Variants in TRAPPC9 observed in about 807,000 individuals in gnomAD.
TRAPPC9 encodes the protein trafficking protein particle complex subunit 9.
TRAPPC9 carries 83 observed loss-of-function variants against 124.0 expected under a neutral mutation model. That is an observed-to-expected ratio of 0.67 (90% CI 0.56 to 0.80). The LOEUF (loss-of-function observed/expected upper bound fraction) is 0.80, where lower values mean the gene tolerates loss of function less well. TRAPPC9 is among the 30% of genes least tolerant of loss of function. The probability of loss-of-function intolerance (pLI) is 0.00; values close to 1 mark genes in which losing one functional copy is unlikely to be tolerated. For missense variants in TRAPPC9, 1,302 were observed against 1,508.3 expected (o/e 0.86, Z 2.27); for synonymous variants, 638 against 617.5 (o/e 1.03, Z -0.49).
At chr8:139,936,063 C>A (rs1265490739) in intron 19 of TRAPPC9, among the ~76,000 whole-genome samples, 1 of 152,234 alleles carries the variant, frequency 6.6e-6, no homozygotes, top group Non-Finnish European at 1.5e-5. Context: ...GTCACATGCT[C>A]ACGCTGACCT....
chr8:139,736,887 A>G (rs1031383716), intron 21 of TRAPPC9, among the ~76,000 whole-genome samples: 2 of 151,992 alleles, frequency 1.3e-5, no homozygotes, highest in Non-Finnish European at 2.9e-5. Context: ...GCAGGGCCCC[A>G]CTCTCCACAG....
chr8:140,313,890 C>A (rs576604048), intron 9 of TRAPPC9, among the ~76,000 whole-genome samples: 1 of 152,280 alleles, frequency 6.6e-6, no homozygotes, highest in South Asian at 2.1e-4. Flanking sequence ...GACCCCATCG[C>A]CATTTCAGTG....
intron 21 of TRAPPC9, among the ~76,000 whole-genome samples, chr8:139,766,890 C>T (rs574313140): frequency 2.6e-5 from 4 of 152,222 alleles, no homozygotes; most frequent in South Asian, 4.1e-4. Context: ...CTGTCTTGTG[C>T]GTCCCGCAGA....
At chr8:139,818,636 C>T (rs1425887926) in intron 21 of TRAPPC9, among the ~76,000 whole-genome samples, 1 of 151,966 alleles carries the variant, frequency 6.6e-6, no homozygotes. Flanking sequence ...ATATGTTTAA[C>T]AACTGGCTAT....
rs531722426 is a variant in TRAPPC9, at chr8:140,071,351, C to G, written c.2557-47272G>C. Among the ~76,000 whole-genome samples the G allele has an allele frequency of 7.9e-5, 12 of 152,270 alleles. No individual in the cohort carries two copies. The South Asian group carries it at 2.1e-3, about 26-fold the overall frequency. ...GCGGTCATGCTGCTCAGTCCCTGGC[C>G]CTAAAAGGCACCAGATCTACTTTGT... On this transcript the variant is annotated intron_variant, in intron 17 of 22. Coordinates refer to ENST00000438773, the MANE Select transcript of TRAPPC9 (RefSeq NM_001160372.4).
chr8:139,992,739 G>A (rs2131732226), intron 18 of TRAPPC9, among the ~76,000 whole-genome samples: 1 of 151,312 alleles, frequency 6.6e-6, no homozygotes, highest in South Asian at 2.1e-4. Context: ...TGAAAGAAAA[G>A]ATAGCTACAA....
chr8:140,352,650 C>A (rs1212112058), intron 9 of TRAPPC9, among the ~76,000 whole-genome samples: 3 of 152,162 alleles, frequency 2.0e-5, no homozygotes, highest in African/African-American at 7.2e-5. Flanking sequence ...CTGGGTGGCA[C>A]CATCCTTTCC....
chr8:139,818,377 A>T (rs981540542), intron 21 of TRAPPC9, among the ~76,000 whole-genome samples: 46 of 152,244 alleles, frequency 3.0e-4, no homozygotes, highest in African/African-American at 1.1e-3. Context: ...GGAGTTTGAG[A>T]CCAGCCTGGC....
intron 21 of TRAPPC9, among the ~76,000 whole-genome samples, chr8:139,746,555 C>T (rs986286606): frequency 2.0e-5 from 3 of 152,232 alleles, no homozygotes; most frequent in African/African-American, 7.2e-5. Context: ...CAGGGACATA[C>T]AGGGGACGAA....
chr8:139,821,897 G>GAAAATGAATC (rs1825279463), intron 21 of TRAPPC9, among the ~76,000 whole-genome samples: 2 of 152,228 alleles, frequency 1.3e-5, no homozygotes, highest in South Asian at 2.1e-4. Flanking sequence ...TCGACGGAGA[G>GAAAATGAATC]AAAATGAATC....
chr8:139,832,811 G>A (rs1308421107), intron 21 of TRAPPC9, among the ~76,000 whole-genome samples: 2 of 152,206 alleles, frequency 1.3e-5, no homozygotes, highest in Middle Eastern at 3.4e-3. Context: ...GGAGACCCTC[G>A]CCCTTGGATA....
chr8:140,249,060 C>G (rs571763865), intron 16 of TRAPPC9, among the ~76,000 whole-genome samples: 63 of 152,110 alleles, frequency 4.1e-4, no homozygotes, highest in African/African-American at 1.4e-3. Flanking sequence ...TTAGCGGGTA[C>G]GTGTTCAGGT....
chr8:139,959,122 G>GAGCCCTGCATTCCGAGTC (rs1835210882), intron 19 of TRAPPC9, among the ~76,000 whole-genome samples: 35 of 152,356 alleles, frequency 2.3e-4, no homozygotes, highest in South Asian at 8.3e-4. Context: ...TCACACAGGG[G>GAGCCCTGCATTCCGAGTC]ACTGGCTCCC....
intron 21 of TRAPPC9, among the ~76,000 whole-genome samples, chr8:139,745,842 A>G (rs570395005): frequency 3.0e-4 from 46 of 152,386 alleles, no homozygotes; most frequent in Non-Finnish European, 6.0e-4. Flanking sequence ...GTACAAATCT[A>G]TAGCACATGG....
intron 21 of TRAPPC9, among the ~76,000 whole-genome samples, chr8:139,867,414 C>A (rs1828616725): frequency 6.6e-6 from 1 of 152,140 alleles, no homozygotes; most frequent in Non-Finnish European, 1.5e-5. Flanking sequence ...TATAAATAAG[C>A]ACATTTAAAG....
At chr8:140,298,786 C>T (rs989796546) in intron 11 of TRAPPC9, among the ~76,000 whole-genome samples, 1 of 152,224 alleles carries the variant, frequency 6.6e-6, no homozygotes, top group Non-Finnish European at 1.5e-5. Context: ...GGACATGACA[C>T]TTAAACGTCG....
At chr8:140,267,484 G>C (rs1213114332) in intron 15 of TRAPPC9, among the ~76,000 whole-genome samples, 1 of 152,214 alleles carries the variant, frequency 6.6e-6, no homozygotes, top group Non-Finnish European at 1.5e-5. Context: ...GGCAAGCATT[G>C]CTCTTAGTTC....
intron 21 of TRAPPC9, among the ~76,000 whole-genome samples, chr8:139,828,983 C>G (rs1825803936): frequency 6.6e-6 from 1 of 152,214 alleles, no homozygotes; most frequent in Non-Finnish European, 1.5e-5. Context: ...AGAAATTCTT[C>G]TTTCCTTCCA....
intron 21 of TRAPPC9, among the ~76,000 whole-genome samples, chr8:139,840,632 C>T (rs1220338012): frequency 1.3e-5 from 2 of 152,184 alleles, no homozygotes; most frequent in African/African-American, 2.4e-5. Context: ...GGATTCTGCA[C>T]TGGACAGTCG....
Sources: gnomAD v4.1 joint callset for allele counts (sites outside exome capture counted in the v4.1 genomes callset) on GRCh38, gnomAD v4.1.1 for gene constraint, MANE v1.5 for transcripts, NCBI Gene and HGNC (gene_info 2026-07-23, HGNC 2026-07-21) for gene names.